Variants in LIMCH1 observed in about 807,000 individuals in gnomAD.
LIMCH1 encodes LIM and calponin homology domains-containing protein 1.
In LIMCH1, 113 loss-of-function variants were observed where a neutral mutation model predicts 176.5. That is an observed-to-expected ratio of 0.64 (90% CI 0.55 to 0.75). The LOEUF (loss-of-function observed/expected upper bound fraction) is 0.75, where lower values mean the gene tolerates loss of function less well. Among genes scored for constraint, LIMCH1 ranks in the 30% least tolerant of loss-of-function variants. LIMCH1 has a pLI of 0.00. For synonymous variants in LIMCH1, 619 were observed against 645.9 expected (o/e 0.96, Z 0.63); for missense variants, 1,674 against 1,814.9 (o/e 0.92, Z 1.41).
intron 1 of LIMCH1, among the ~76,000 whole-genome samples, chr4:41,487,291 C>A (rs2069778037): frequency 6.6e-6 from 1 of 152,072 alleles, no homozygotes; most frequent in Non-Finnish European, 1.5e-5. Flanking sequence ...TAACAAAGAT[C>A]CAAGTGCATC....
intron 1 of LIMCH1, among the ~76,000 whole-genome samples, chr4:41,590,770 T>A (rs2152720062): frequency 6.6e-6 from 1 of 152,304 alleles, no homozygotes; most frequent in Non-Finnish European, 1.5e-5. Context: ...GAAGAGCTGG[T>A]ATCCTCATTA....
chr4:41,535,363 G>A (rs2077792498), upstream of LIMCH1, among the ~76,000 whole-genome samples: 1 of 151,954 alleles, frequency 6.6e-6, no homozygotes, highest in Non-Finnish European at 1.5e-5. Flanking sequence ...TTAAATAATA[G>A]AAATTTATTT....
At chr4:41,669,100 T>C (rs1025781737) in intron 21 of LIMCH1, among the ~76,000 whole-genome samples, 8 of 152,198 alleles carry the variant, frequency 5.3e-5, no homozygotes, top group African/African-American at 1.4e-4. Flanking sequence ...AGCTGCATGC[T>C]CTGGAGACAA....
chr4:41,654,567 G>A (rs2094410270), intron 18 of LIMCH1, among the ~76,000 whole-genome samples: 1 of 152,164 alleles, frequency 6.6e-6, no homozygotes, highest in South Asian at 2.1e-4. Context: ...AAGAAAACCA[G>A]AGGAATATAC....
chr4:41,425,062 GT>G (rs1236270205), intron 1 of LIMCH1, among the ~76,000 whole-genome samples: 2 of 152,204 alleles, frequency 1.3e-5, no homozygotes, highest in East Asian at 3.8e-4. Context: ...CTTGAAGAGT[GT>G]GACATCGTTC....
intron 1 of LIMCH1, among the ~76,000 whole-genome samples, chr4:41,570,952 A>G (rs922158960): frequency 6.6e-6 from 1 of 152,208 alleles, no homozygotes; most frequent in Non-Finnish European, 1.5e-5. Flanking sequence ...GCAGGTAGAG[A>G]TTTAGCACAT....
chr4:41,516,972 G>C (rs1709465571), intron 2 of LIMCH1, among the ~76,000 whole-genome samples: 1 of 152,156 alleles, frequency 6.6e-6, no homozygotes, highest in Non-Finnish European at 1.5e-5. Flanking sequence ...AGTCAAGATA[G>C]TGCTAGGTGC....
At chr4:41,566,583 A>G (rs957636748) in intron 1 of LIMCH1, among the ~76,000 whole-genome samples, 10 of 152,144 alleles carry the variant, frequency 6.6e-5, no homozygotes, top group Admixed American at 5.9e-4. Context: ...CTTAGAACCA[A>G]TGAGGAGAAG....
chr4:41,414,024 T>G (rs759928340), intron 1 of LIMCH1, among the ~76,000 whole-genome samples: 8 of 152,192 alleles, frequency 5.3e-5, no homozygotes, highest in Non-Finnish European at 7.3e-5. Flanking sequence ...TATATTTAGT[T>G]TAAACTTCAA....
intron 2 of LIMCH1, among the ~76,000 whole-genome samples, chr4:41,507,567 A>C (rs2154182349): frequency 6.6e-6 from 1 of 152,328 alleles, no homozygotes; most frequent in East Asian, 1.9e-4. Flanking sequence ...TTGCTCAGGA[A>C]ATTACAAGGA....
chr4:41,690,418 A>T (rs1724594882), intron 30 of LIMCH1, among the ~76,000 whole-genome samples: 1 of 152,194 alleles, frequency 6.6e-6, no homozygotes, highest in Non-Finnish European at 1.5e-5. Flanking sequence ...AACCAGTTAT[A>T]CCTGATTTAT....
chr4:41,497,526 G>A (rs914447293), intron 2 of LIMCH1, among the ~76,000 whole-genome samples: 20 of 152,086 alleles, frequency 1.3e-4, no homozygotes, highest in African/African-American at 2.4e-4. Flanking sequence ...AAGTTTGGCC[G>A]GGCACGGTGG....
At chr4:41,554,327 A>G (rs2080943631) in intron 1 of LIMCH1, among the ~76,000 whole-genome samples, 1 of 152,142 alleles carries the variant, frequency 6.6e-6, no homozygotes, top group Admixed American at 6.6e-5. Context: ...AGGTTGGCCA[A>G]GGTGATGGGA....
intron 18 of LIMCH1, among the ~76,000 whole-genome samples, chr4:41,656,813 T>C (rs751415713): frequency 4.6e-5 from 7 of 152,128 alleles, no homozygotes; most frequent in Non-Finnish European, 8.8e-5. Context: ...ACATCACTTG[T>C]TCCAACCCAT....
At chr4:41,467,356 G>T (rs1413555357) in intron 1 of LIMCH1, among the ~76,000 whole-genome samples, 1 of 152,140 alleles carries the variant, frequency 6.6e-6, no homozygotes, top group Non-Finnish European at 1.5e-5. Context: ...TTCTCATGCT[G>T]TTAATAAAGT....
At chr4:41,522,313 T>C (rs1057454493) in intron 2 of LIMCH1, among the ~76,000 whole-genome samples, 3 of 152,148 alleles carry the variant, frequency 2.0e-5, no homozygotes, top group Non-Finnish European at 4.4e-5. Context: ...AAACAAGGTG[T>C]AGGACAGTGT....
intron 7 of LIMCH1, among the ~76,000 whole-genome samples, chr4:41,620,927 G>C (rs1382559404): frequency 6.6e-6 from 1 of 152,228 alleles, no homozygotes; most frequent in African/African-American, 2.4e-5. Context: ...GCTGGGTGCA[G>C]CCCTTGTCTT....
At chr4:41,487,625 GTATGTGGGGCACCAAT>G (rs1259121176) in intron 1 of LIMCH1, among the ~76,000 whole-genome samples, 4 of 146,176 alleles carry the variant, frequency 2.7e-5, no homozygotes, top group African/African-American at 1.0e-4. Context: ...AATTTAGGTT[GTATGTGGGGCACCAAT>G]TTTTTTATAT....
At chr4:41,469,629 C>T (rs1364045148) in intron 1 of LIMCH1, among the ~76,000 whole-genome samples, 3 of 150,524 alleles carry the variant, frequency 2.0e-5, no homozygotes, top group Non-Finnish European at 2.9e-5. Flanking sequence ...TTAGTTTTAA[C>T]AACCTTTTTT....
Sources: gnomAD v4.1 joint callset for allele counts (sites outside exome capture counted in the v4.1 genomes callset) on GRCh38, gnomAD v4.1.1 for gene constraint, MANE v1.5 for transcripts, NCBI Gene and HGNC (gene_info 2026-07-23, HGNC 2026-07-21) for gene names.